Variants in CYP2S1 observed in about 807,000 individuals in gnomAD.
CYP2S1 encodes the protein cytochrome P450 family 2 subfamily S member 1.
In CYP2S1, 32 loss-of-function variants were observed where a neutral mutation model predicts 43.5. The observed-to-expected ratio is 0.74, with a 90% CI of 0.56 to 0.99. The LOEUF (loss-of-function observed/expected upper bound fraction) is 0.99. Ranked by LOEUF, CYP2S1 falls within the 50% of genes least tolerant of loss-of-function variation. The pLI is 0.00. For missense variants in CYP2S1, 575 were observed against 673.9 expected (o/e 0.85, Z 1.62); for synonymous variants, 283 against 302.9 (o/e 0.93, Z 0.68).
At chr19:41,200,986 G>A (rs2033480224) in intron 5 of CYP2S1, among the ~76,000 whole-genome samples, 1 of 152,058 alleles carries the variant, frequency 6.6e-6, no homozygotes, top group Non-Finnish European at 1.5e-5. Context: ...GCTGAGGCAG[G>A]AGAATTGCTT....
At position 41,206,371 on chromosome 19, in the gene CYP2S1, G is replaced by A. The variant is rs753564032; in HGVS notation, c.1398G>A (p.Pro466=). ...TACAAGCCTTCTCCCTGGAGAGCCC[G>A]TGCCCGCCGGACACCCTGAGCCTCA... The part of the protein sequence containing the change: ...TILQAFSLES[P]CPPDTLSLKP... The change falls in exon 9 of 9, where the codon CCG becomes CCA. Residue 466 remains proline, a synonymous_variant. Transcript: ENST00000310054. The A allele has an allele frequency of 2.2e-5, 36 of 1,614,062 alleles. No individual in the cohort carries two copies. The highest frequency in any genetic ancestry group is 7.7e-5 in the South Asian group (7 of 91,086).
chr19:41,207,273 C>T lies in CYP2S1; in HGVS notation c.*785C>T, dbSNP rs1451430029. ...CTTTGGACATACGAGGACCCTCAGA[C>T]CGGAGGAACACCTGCCCAACCCCAA... is the stretch of plus-strand genomic sequence containing the variant. On this transcript the variant is annotated 3_prime_UTR_variant, in exon 9 of 9. Coordinates refer to ENST00000310054, the MANE Select transcript of CYP2S1 (RefSeq NM_030622.8). The T allele has an allele frequency of 9.6e-6, 2 of 207,890 alleles. No individual in the cohort carries two copies. The highest frequency in any genetic ancestry group is 2.0e-5 in the Non-Finnish European group (2 of 101,908). 12.9% of individuals were successfully genotyped at this position (207,890 alleles called of 1,614,324 possible). A position where few individuals can be genotyped will look rare whatever the true frequency, so the allele number is the denominator to read the frequency against.
At position 41,198,454 on chromosome 19, in the gene CYP2S1, C is replaced by A. The variant is rs751405436; in HGVS notation, c.494-8C>A. 1.2e-6 allele frequency: 2 copies of A among 1,612,820 alleles called. No homozygotes were observed. The highest frequency in any genetic ancestry group is 2.2e-5 in the East Asian group (1 of 44,860). On this transcript the variant is annotated splice_polypyrimidine_tract_variant and splice_region_variant and intron_variant, in intron 3 of 8. Coordinates refer to ENST00000310054, the MANE Select transcript of CYP2S1 (RefSeq NM_030622.8). This position sits in a 1 kb window ranked among gnomAD's most constrained non-coding sequence, Gnocchi z 4.9. ...CACAGCCTACCTCCCTGCCCCCATT[C>A]CCCCCAGGACGCCCATTCGATCCCT...
rs372126413 is a variant in CYP2S1, at chr19:41,201,390, T to C, written c.976+18T>C. 4 of 1,611,328 alleles carry C rather than the reference T, an allele frequency of 2.5e-6. No homozygotes were observed. The African/African-American group carries it at 4.0e-5, about 16-fold the overall frequency. Reference sequence around the variant, plus strand: ...TGTCCAAAGTAAGAGCCTTTTCCACTTGCCAGGCCTTGGGAACAGAAGTCA... The same window carrying C: ...TGTCCAAAGTAAGAGCCTTTTCCACCTGCCAGGCCTTGGGAACAGAAGTCA... On this transcript the variant is annotated intron_variant, in intron 6 of 8. Transcript: ENST00000310054.
In CYP2S1 at chr19:41,206,601, C is replaced by T. The variant is rs749556490; in HGVS notation, c.*113C>T. The T allele has an allele frequency of 2.0e-5, 26 of 1,317,264 alleles. No individual in the cohort carries two copies. The highest frequency in any genetic ancestry group is 1.7e-4 in the South Asian group (14 of 84,812). 81.6% of individuals were successfully genotyped at this position (1,317,264 alleles called of 1,614,324 possible). ...TACACTGCAGGCAGCCACATTTACA[C>T]GCCTGCAGTTGTTTTCCGGAGTCTG... On this transcript the variant is annotated 3_prime_UTR_variant, in exon 9 of 9. Transcript: ENST00000310054.
Position 41,198,450 on chromosome 19 carries a change from C to T in CYP2S1, c.494-12C>T, listed in dbSNP as rs763009597. The T allele has an allele frequency of 8.1e-6, 13 of 1,613,108 alleles. No individual in the cohort carries two copies. Among genetic ancestry groups the T allele is most frequent in the African/African-American group, 1.3e-5 (1 of 74,918 alleles). On this transcript the variant is annotated splice_polypyrimidine_tract_variant and intron_variant, in intron 3 of 8. Coordinates refer to ENST00000310054, the MANE Select transcript of CYP2S1 (RefSeq NM_030622.8). The surrounding 1 kb of genome is among the most constrained non-coding windows in gnomAD (Gnocchi z 4.9). ...CCATCACAGCCTACCTCCCTGCCCC[C>T]ATTCCCCCCAGGACGCCCATTCGAT...
At chr19:41,203,212 C>CAA (rs59854272) in intron 6 of CYP2S1, among the ~76,000 whole-genome samples, 3 of 145,414 alleles carry the variant, frequency 2.1e-5, no homozygotes, top group Middle Eastern at 7.0e-3. Context: ...AACTCCGTTG[C>CAA]AAAAAAAAAT....
rs1160507428 is a variant in CYP2S1, at chr19:41,207,260, G to A, written c.*772G>A. ...TTATGCACAGAGACTTTGGACATAC[G>A]AGGACCCTCAGACCGGAGGAACACC... On this transcript the variant is annotated 3_prime_UTR_variant, in exon 9 of 9. Transcript: ENST00000310054. The A allele has an allele frequency of 2.3e-5, 5 of 216,350 alleles. No homozygotes were observed. The highest frequency in any genetic ancestry group is 2.2e-4 in the East Asian group (2 of 9,128). The allele number at this position is 216,350 out of a possible 1,614,324, so 13.4% of individuals were successfully genotyped here.
At position 41,197,635 on chromosome 19, in the gene CYP2S1, GGTT is replaced by G. The variant is rs2122155459; in HGVS notation, c.344-142_344-140del. On this transcript the variant is annotated intron_variant, in intron 2 of 8. Coordinates refer to ENST00000310054, the MANE Select transcript of CYP2S1 (RefSeq NM_030622.8). ...GAATTGCTTGAACCCGGGAGGCAGA[GGTT>G]GCAGTGAGACGAGATCACGCCACTG... The G allele has an allele frequency of 2.4e-6, 3 of 1,257,018 alleles. No individual in the cohort carries two copies. In the East Asian group the frequency reaches 7.5e-5, roughly 31 times the overall value. 77.9% of individuals were successfully genotyped at this position (1,257,018 alleles called of 1,614,324 possible). A position where few individuals can be genotyped will look rare whatever the true frequency, so the allele number is the denominator to read the frequency against.
Position 41,206,783 on chromosome 19 carries a change from C to T in CYP2S1, c.*295C>T, listed in dbSNP as rs760538716. The T allele has an allele frequency of 4.9e-6, 3 of 606,140 alleles. No homozygotes were observed. The highest frequency in any genetic ancestry group is 9.3e-6 in the Non-Finnish European group (3 of 321,572). 37.5% of individuals were successfully genotyped at this position (606,140 alleles called of 1,614,324 possible). A position where few individuals can be genotyped will look rare whatever the true frequency, so the allele number is the denominator to read the frequency against. On this transcript the variant is annotated 3_prime_UTR_variant, in exon 9 of 9. Transcript: ENST00000310054. ...CACAAGCACATAGCCAGGTAACCCA[C>T]CAACTCCCCTGGATCTGCAGCCCAC...
At chr19:41,202,387 A>C (rs2033501702) in intron 6 of CYP2S1, among the ~76,000 whole-genome samples, 3 of 152,160 alleles carry the variant, frequency 2.0e-5, no homozygotes, top group Non-Finnish European at 4.4e-5. Context: ...CAGGAGTGGA[A>C]TTAGCTGTGA....
Position 41,197,759 on chromosome 19 carries a change from G to C in CYP2S1, c.344-20G>C. 3 of 1,611,784 alleles carry C rather than the reference G, an allele frequency of 1.9e-6. No homozygotes were observed. The highest frequency in any genetic ancestry group is 4.5e-5 in the East Asian group (2 of 44,870). On this transcript the variant is annotated intron_variant, in intron 2 of 8. Transcript: ENST00000310054. ...GGGGGAGAGGGGCCGGTCCCTTTTT[G>C]AGTCTAGCCTTCTGCGCAGGGGTTT... is the stretch of plus-strand genomic sequence containing the variant.
chr19:41,199,584 A>G lies in CYP2S1; in HGVS notation c.834+696A>G, dbSNP rs144151989. On this transcript the variant is annotated intron_variant, in intron 5 of 8. Coordinates refer to ENST00000310054, the MANE Select transcript of CYP2S1 (RefSeq NM_030622.8). ...TTCTTTGTAGAGATAGACTCTCACT[A>G]TGTTACCCAGGCTGGTCTTGAATTC... is the stretch of plus-strand genomic sequence containing the variant. Among the ~76,000 whole-genome samples the G allele has an allele frequency of 1.8e-4, 27 of 151,622 alleles. No homozygotes were observed. The East Asian group carries it at 5.0e-3, about 28-fold the overall frequency.
chr19:41,203,265 G>A (rs1415120566), intron 6 of CYP2S1, among the ~76,000 whole-genome samples, 185 bp from the exon 7 acceptor site: 1 of 152,068 alleles, frequency 6.6e-6, no homozygotes, highest in African/African-American at 2.4e-5. Context: ...ATAAGAGAGA[G>A]AGAAGATAGA....
rs182077651 is a variant in CYP2S1, at chr19:41,199,897, G to A, written c.834+1009G>A. On this transcript the variant is annotated intron_variant, in intron 5 of 8. Coordinates refer to ENST00000310054, the MANE Select transcript of CYP2S1 (RefSeq NM_030622.8). ...AGGCAGGAGAATCGCTTGAACCCGGGAGGCTTAGGTTGCGGTGAGCTGAGA... is the reference window on the plus strand; with the variant it reads ...AGGCAGGAGAATCGCTTGAACCCGGAAGGCTTAGGTTGCGGTGAGCTGAGA... Among the ~76,000 whole-genome samples the A allele has an allele frequency of 2.2e-3, 337 of 151,096 alleles. 2 individuals carry two copies. Among genetic ancestry groups the A allele is most frequent in the African/African-American group, 7.5e-3 (309 of 41,150 alleles).
chr19:41,205,424 C>CTT (rs2033560267), intron 7 of CYP2S1, among the ~76,000 whole-genome samples: 2 of 34,976 alleles, frequency 5.7e-5, no homozygotes, highest in African/African-American at 1.2e-3. Context: ...TTCTTTCTCT[C>CTT]TCTCTCTCTT....
At chr19:41,197,986 A>C (rs753025861) in intron 3 of CYP2S1, 58 bp downstream of exon 3, 1 of 1,541,104 alleles carries the variant, frequency 6.5e-7, no homozygotes, top group Non-Finnish European at 8.7e-7. Flanking sequence ...AAACTCTCCT[A>C]CTGTGGCTGG....
chr19:41,203,414 A>AC (rs1319336211), intron 6 of CYP2S1, 36 bp from the exon 7 acceptor site: 1 of 1,545,814 alleles, frequency 6.5e-7, no homozygotes, highest in South Asian at 1.2e-5. Context: ...CCTGGGCCCT[A>AC]CCCCCGTCTG....
chr19:41,201,273 C>T lies in CYP2S1; in HGVS notation c.877C>T (p.Leu293=). 6.2e-7 allele frequency: 1 copy of T among 1,614,150 alleles called. No individual in the cohort carries two copies. ...CACAGAATTCACCAACAAGAACATG[C>T]TGATGACAGTCATTTATTTGCTGTT... ...PGTEFTNKNM[L]MTVIYLLFAG... The change falls in exon 6 of 9, where the codon CTG becomes TTG. Residue 293 remains leucine (L), a synonymous_variant. Transcript: ENST00000310054.
Sources: allele counts gnomAD v4.1 joint callset (sites outside exome capture counted in the v4.1 genomes callset), GRCh38; gene constraint gnomAD v4.1.1; non-coding constraint Gnocchi (gnomAD v3.1); transcripts MANE v1.5; gene names NCBI Gene and HGNC (gene_info 2026-07-23, HGNC 2026-07-21).